Variants in C3orf49 observed in about 807,000 individuals in gnomAD.
C3orf49 encodes chromosome 3 open reading frame 49.
In C3orf49, 27 loss-of-function variants were observed where a neutral mutation model predicts 13.3. The observed-to-expected ratio is 2.02, with a 90% CI of 1.49 to 2.79. The LOEUF (loss-of-function observed/expected upper bound fraction) is 2.79. Among genes scored for constraint, C3orf49 ranks in the 30% most tolerant of loss-of-function variants. The pLI, the probability that C3orf49 is intolerant of heterozygous loss-of-function variation, is 0.00. For synonymous variants in C3orf49, 87 were observed against 47.6 expected (o/e 1.83, Z -3.40); for missense variants, 242 against 134.2 (o/e 1.80, Z -3.97).
chr3:63,796,830 A>T, the C3orf49 span, among the ~76,000 whole-genome samples: 1 of 152,028 alleles, frequency 6.6e-6, no homozygotes, highest in South Asian at 2.1e-4. Context: ...TATTCCTTCT[A>T]TATCCTTCTT....
upstream of C3orf49, among the ~76,000 whole-genome samples, chr3:63,815,054 T>G (rs145853100): frequency 5.7e-4 from 86 of 152,210 alleles, no homozygotes; most frequent in African/African-American, 2.0e-3. Flanking sequence ...CCACGCACTT[T>G]TAAACAACCA....
chr3:63,787,122 A>G, the C3orf49 span: 3 of 152,208 alleles, frequency 2.0e-5, no homozygotes, highest in Non-Finnish European at 2.9e-5. Context: ...TAATTTATCG[A>G]CTTTCTGATG....
chr3:63,822,920 C>A (rs890955693), intron 1 of C3orf49, among the ~76,000 whole-genome samples: 1 of 152,160 alleles, frequency 6.6e-6, no homozygotes, highest in African/African-American at 2.4e-5. Context: ...AACAGTCAGA[C>A]CTGGATTAAA....
At chr3:63,783,940 C>G in the C3orf49 span, among the ~76,000 whole-genome samples, 1 of 151,830 alleles carries the variant, frequency 6.6e-6, no homozygotes, top group Non-Finnish European at 1.5e-5. Flanking sequence ...GATTTCATGG[C>G]CCCTATATCT....
At chr3:63,816,149 A>C (rs1387826482), upstream of C3orf49, among the ~76,000 whole-genome samples, 1 of 113,852 alleles carries the variant, frequency 8.8e-6, no homozygotes, top group Non-Finnish European at 1.9e-5. Flanking sequence ...TTTTTTTTCT[A>C]TTTGTCTCAT....
chr3:63,840,804 A>C (rs531079951), intron 5 of C3orf49, among the ~76,000 whole-genome samples: 3 of 152,204 alleles, frequency 2.0e-5, no homozygotes, highest in African/African-American at 2.4e-5. Context: ...ACTGTTGGCA[A>C]GGGTGTTAGA....
chr3:63,785,558 C>T, the C3orf49 span, among the ~76,000 whole-genome samples: 1 of 152,072 alleles, frequency 6.6e-6, no homozygotes, highest in African/African-American at 2.4e-5. Flanking sequence ...TCATAAAAAT[C>T]ACTACAAAAA....
At chr3:63,844,009 A>G (rs1182157788) in intron 5 of C3orf49, among the ~76,000 whole-genome samples, 1 of 152,230 alleles carries the variant, frequency 6.6e-6, no homozygotes, top group Non-Finnish European at 1.5e-5. Flanking sequence ...ACAATGAAAT[A>G]CTATTCAACC....
At chr3:63,808,165 C>T in the C3orf49 span, among the ~76,000 whole-genome samples, 1 of 152,122 alleles carries the variant, frequency 6.6e-6, no homozygotes, top group South Asian at 2.1e-4. Flanking sequence ...CAATTAGAAG[C>T]CTCTGGCTGG....
the C3orf49 span, among the ~76,000 whole-genome samples, chr3:63,793,923 A>T: frequency 6.6e-6 from 1 of 152,114 alleles, no homozygotes; most frequent in Non-Finnish European, 1.5e-5. Context: ...ACTGAGGCCA[A>T]ACAGGACAAT....
the C3orf49 span, among the ~76,000 whole-genome samples, chr3:63,813,929 G>T: frequency 6.6e-6 from 1 of 152,176 alleles, no homozygotes; most frequent in Non-Finnish European, 1.5e-5. Flanking sequence ...GCTTCACAAT[G>T]ATTCCGGGTC....
the C3orf49 span, among the ~76,000 whole-genome samples, chr3:63,810,287 T>C: frequency 5.0e-3 from 763 of 152,278 alleles, 5 homozygotes; most frequent in African/African-American, 0.017. Flanking sequence ...AAATTTCACA[T>C]ATTATTTGTT....
intron 6 of C3orf49, among the ~76,000 whole-genome samples, chr3:63,845,318 A>G (rs1575808780): frequency 6.6e-6 from 1 of 152,234 alleles, no homozygotes; most frequent in African/African-American, 2.4e-5. Context: ...ATAGTGGCTG[A>G]CAAGTCACTG....
chr3:63,843,796 A>G (rs548439814), intron 5 of C3orf49, among the ~76,000 whole-genome samples: 2 of 152,122 alleles, frequency 1.3e-5, no homozygotes, highest in African/African-American at 4.8e-5. Context: ...AGCTACTCAG[A>G]AGGCTGAGGC....
At chr3:63,806,888 C>T in the C3orf49 span, among the ~76,000 whole-genome samples, 18 of 152,182 alleles carry the variant, frequency 1.2e-4, no homozygotes, top group Middle Eastern at 6.8e-3. Flanking sequence ...GGTGACTCCT[C>T]GGGGAACCAT....
chr3:63,795,219 C>T, the C3orf49 span, among the ~76,000 whole-genome samples: 1 of 152,092 alleles, frequency 6.6e-6, no homozygotes, highest in Non-Finnish European at 1.5e-5. Flanking sequence ...TGGCTGCTTT[C>T]TGCAACCAAT....
intron 5 of C3orf49, chr3:63,836,207 C>A: frequency 1.7e-6 from 2 of 1,178,980 alleles, no homozygotes; most frequent in South Asian, 1.5e-5. Flanking sequence ...CCTTTTGAAA[C>A]ATATTTATTT....
chr3:63,832,528 A>G (rs892782543), intron 5 of C3orf49, among the ~76,000 whole-genome samples: 2 of 150,848 alleles, frequency 1.3e-5, no homozygotes, highest in African/African-American at 4.9e-5. Context: ...GAGTATGGCG[A>G]TGTGTTGCCT....
At chr3:63,843,896 G>A (rs897197011) in intron 5 of C3orf49, among the ~76,000 whole-genome samples, 1 of 150,698 alleles carries the variant, frequency 6.6e-6, no homozygotes, top group South Asian at 2.1e-4. Context: ...GTGAGACTCC[G>A]TCTCAGAAAA....
Sources: gnomAD v4.1 joint callset for allele counts (sites outside exome capture counted in the v4.1 genomes callset) on GRCh38, gnomAD v4.1.1 for gene constraint, MANE v1.5 for transcripts, NCBI Gene and HGNC (gene_info 2026-07-23, HGNC 2026-07-21) for gene names.